RNF220: variants seen among roughly 807,000 people sequenced by gnomAD.
The protein encoded by RNF220 is ring finger protein 220, also known as E3 ubiquitin-protein ligase RNF220.
A neutral mutation model predicts 67.1 loss-of-function variants in RNF220; 7 were observed. The observed-to-expected ratio is 0.10, with a 90% CI of 0.06 to 0.20. The LOEUF (loss-of-function observed/expected upper bound fraction) is 0.20, where lower values mean the gene tolerates loss of function less well. Ranked by LOEUF, RNF220 falls within the 10% of genes least tolerant of loss-of-function variation. The probability of loss-of-function intolerance (pLI) is 1.00; values close to 1 mark genes in which losing one functional copy is unlikely to be tolerated. For synonymous variants in RNF220, 270 were observed against 283.2 expected (o/e 0.95, Z 0.47); for missense variants, 565 against 740.3 (o/e 0.76, Z 2.75).
chr1:44,589,613 C>CAAA (rs11437946), intron 2 of RNF220, among the ~76,000 whole-genome samples: 2 of 109,366 alleles, frequency 1.8e-5, no homozygotes, highest in Non-Finnish European at 3.5e-5. Flanking sequence ...GACTGCATCT[C>CAAA]AAAAAAAAAA....
intron 2 of RNF220, among the ~76,000 whole-genome samples, chr1:44,414,461 T>C (rs766071394): frequency 1.3e-5 from 2 of 152,236 alleles, no homozygotes; most frequent in Non-Finnish European, 2.9e-5. Flanking sequence ...TCCATTTTTC[T>C]ATCTTTTTAG....
At chr1:44,442,794 G>A (rs1351601290) in intron 2 of RNF220, among the ~76,000 whole-genome samples, 1 of 152,090 alleles carries the variant, frequency 6.6e-6, no homozygotes, top group Non-Finnish European at 1.5e-5. Flanking sequence ...TGGGATTACA[G>A]GCATGAGCCA....
intron 2 of RNF220, among the ~76,000 whole-genome samples, chr1:44,581,275 G>C (rs1665258935): frequency 6.6e-6 from 1 of 152,216 alleles, no homozygotes; most frequent in Non-Finnish European, 1.5e-5. Context: ...GTGGCATTTG[G>C]AAAAGGTCAC....
chr1:44,625,168 G>A (rs996138761), intron 4 of RNF220, among the ~76,000 whole-genome samples: 7 of 152,188 alleles, frequency 4.6e-5, no homozygotes, highest in African/African-American at 1.7e-4. Context: ...CATTGCCTGA[G>A]AGCACCTCCT....
chr1:44,430,486 C>A (rs1165027895), intron 2 of RNF220, among the ~76,000 whole-genome samples: 1 of 152,242 alleles, frequency 6.6e-6, no homozygotes, highest in South Asian at 2.1e-4. Flanking sequence ...CTTCTACTAT[C>A]TTTGCAATTT....
intron 2 of RNF220, among the ~76,000 whole-genome samples, chr1:44,477,153 C>T (rs1012026040): frequency 6.6e-6 from 1 of 152,188 alleles, no homozygotes; most frequent in Non-Finnish European, 1.5e-5. Context: ...ATATGAAGTT[C>T]ATTCACTCAC....
intron 6 of RNF220, among the ~76,000 whole-genome samples, chr1:44,634,842 C>T (rs1644278025): frequency 6.6e-6 from 1 of 152,178 alleles, no homozygotes; most frequent in South Asian, 2.1e-4. Flanking sequence ...CCTGCCAGCC[C>T]CTCTGTACTG....
chr1:44,449,686 T>C (rs573729451), intron 2 of RNF220, among the ~76,000 whole-genome samples: 1 of 152,322 alleles, frequency 6.6e-6, no homozygotes, highest in East Asian at 1.9e-4. Context: ...AGGGCTGGGA[T>C]TGGGGTATGG....
In RNF220 at chr1:44,624,562, C is replaced by T. The variant is rs1472911999; in HGVS notation, c.805-1735C>T. Among the ~76,000 whole-genome samples the T allele has an allele frequency of 6.6e-6, 1 of 152,158 alleles. No homozygotes were observed. Among genetic ancestry groups the T allele is most frequent in the Admixed American group, 6.5e-5 (1 of 15,268 alleles). ...CAGATATATGCCCACACCCCCAAAG[C>T]TGAATAGTTCAGGGTCTATCCTCTG... On this transcript the variant is annotated intron_variant, in intron 4 of 14. Transcript: ENST00000361799. This position sits in a 1 kb window ranked among gnomAD's most constrained non-coding sequence, Gnocchi z 4.2.
chr1:44,585,895 C>T (rs1020350768), intron 2 of RNF220, among the ~76,000 whole-genome samples: 3 of 152,002 alleles, frequency 2.0e-5, no homozygotes, highest in South Asian at 2.1e-4. Flanking sequence ...AGGTAATTTG[C>T]CTAACATTAT....
intron 2 of RNF220, among the ~76,000 whole-genome samples, chr1:44,594,484 A>C (rs936889996): frequency 6.6e-6 from 1 of 152,212 alleles, no homozygotes; most frequent in African/African-American, 2.4e-5. Context: ...AGAGTCTGGG[A>C]GAGCAGGGAG....
chr1:44,645,471 G>T lies in RNF220; in HGVS notation c.1428G>T (p.Lys476Asn). 1 of 1,614,134 alleles carries T rather than the reference G, an allele frequency of 6.2e-7. No individual in the cohort carries two copies. Among genetic ancestry groups the T allele is most frequent in the Non-Finnish European group, 8.5e-7 (1 of 1,180,014 alleles). Residue 476 changes from lysine (K) to asparagine (N), a missense_variant, in exon 12 of 15, where the codon AAG (lysine) becomes AAT (asparagine). By Grantham distance (94) the Lys-to-Asn change is moderately conservative. Coordinates refer to ENST00000361799, the MANE Select transcript of RNF220 (RefSeq NM_018150.4). The surrounding 1 kb of genome is among the most constrained non-coding windows in gnomAD (Gnocchi z 5.0). ...SKQEAMQKTC[K>N]NSDIEKITED... ...AGGAGGCCATGCAGAAGACCTGCAA[G>T]AACAGCGACATCGAGAAGTAAGTGT...
intron 2 of RNF220, among the ~76,000 whole-genome samples, chr1:44,554,645 TC>T (rs1353025331): frequency 1.3e-5 from 2 of 152,086 alleles, no homozygotes; most frequent in Middle Eastern, 3.2e-3. Flanking sequence ...TCCCTAGAAA[TC>T]ATCTGAAGCA....
chr1:44,482,732 G>C (rs998511604), intron 2 of RNF220, among the ~76,000 whole-genome samples: 1 of 151,518 alleles, frequency 6.6e-6, no homozygotes, highest in Non-Finnish European at 1.5e-5. Flanking sequence ...AGTGATTCTC[G>C]TGCCTCAGCC....
At chr1:44,632,100 T>TG (rs1469084033) in intron 5 of RNF220, 9 of 1,428,502 alleles carry the variant, frequency 6.3e-6, no homozygotes, top group African/African-American at 2.9e-5. Flanking sequence ...AGGCCAGGGC[T>TG]GGGGCGGCAC....
chr1:44,573,967 T>C (rs972132614), intron 2 of RNF220, among the ~76,000 whole-genome samples: 7 of 151,808 alleles, frequency 4.6e-5, no homozygotes, highest in Non-Finnish European at 8.8e-5. Flanking sequence ...TACCAAAAAA[T>C]ATGAGCTGGG....
At chr1:44,507,097 G>A (rs1658500471) in intron 2 of RNF220, among the ~76,000 whole-genome samples, 1 of 152,140 alleles carries the variant, frequency 6.6e-6, no homozygotes, top group Non-Finnish European at 1.5e-5. Context: ...CAGAAAACCA[G>A]TGTTGCTGTC....
chr1:44,518,869 C>T (rs1235400678), intron 2 of RNF220, among the ~76,000 whole-genome samples: 4 of 149,302 alleles, frequency 2.7e-5, no homozygotes, highest in African/African-American at 7.5e-5. Flanking sequence ...AGCAAGACTC[C>T]GTCTAAAAAA....
At chr1:44,447,066 C>T (rs1243899297) in intron 2 of RNF220, among the ~76,000 whole-genome samples, 1 of 152,174 alleles carries the variant, frequency 6.6e-6, no homozygotes, top group Non-Finnish European at 1.5e-5. Context: ...TTGATCTGCT[C>T]CACATTTTAT....
Sources: allele counts gnomAD v4.1 joint callset (sites outside exome capture counted in the v4.1 genomes callset), GRCh38; gene constraint gnomAD v4.1.1; non-coding constraint Gnocchi (gnomAD v3.1); transcripts MANE v1.5; gene names NCBI Gene and HGNC (gene_info 2026-07-23, HGNC 2026-07-21).